The following FGF13 variants were observed in gnomAD, a reference collection of about 807,000 sequenced individuals.
FGF13 encodes the protein fibroblast growth factor homologous factor 2.
FGF13 carries 2 observed loss-of-function variants against 19.5 expected under a neutral mutation model. The observed-to-expected ratio is 0.10, with a 90% confidence interval of 0.04 to 0.32. The LOEUF is 0.32. Among genes scored for constraint, FGF13 ranks in the 10% least tolerant of loss-of-function variants. The pLI is 1.00. For synonymous variants in FGF13, 72 were observed against 76.9 expected (o/e 0.94, Z 0.33); for missense variants, 113 against 192.7 (o/e 0.59, Z 2.45).
intron 3 of FGF13, among the ~76,000 whole-genome samples, chrX:138,790,419 G>A (rs1317688793): frequency 1.8e-5 from 2 of 110,489 alleles, no homozygotes; most frequent in East Asian, 5.8e-4. Context: ...CATGGCACTG[G>A]AGCAAACCTG....
intron 1 of FGF13, among the ~76,000 whole-genome samples, chrX:139,040,339 G>A (rs1197146197): frequency 8.9e-6 from 1 of 111,986 alleles, no homozygotes; most frequent in African/African-American, 3.2e-5. Context: ...TGAATTGAGA[G>A]ACTCACAAAA....
At chrX:139,037,697 C>T (rs1433635157) in intron 1 of FGF13, among the ~76,000 whole-genome samples, 1 of 112,085 alleles carries the variant, frequency 8.9e-6, no homozygotes, top group Non-Finnish European at 1.9e-5. Flanking sequence ...TTTTATAAAA[C>T]CCTTACAATT....
intron 1 of FGF13, among the ~76,000 whole-genome samples, chrX:139,059,583 CA>C (rs1432103399): frequency 9.0e-6 from 1 of 111,531 alleles, no homozygotes; most frequent in East Asian, 2.8e-4. Context: ...TTGTGGGGCC[CA>C]ATACACAAAA....
intron 1 of FGF13, among the ~76,000 whole-genome samples, chrX:139,143,267 T>C (rs1255865561): frequency 8.9e-6 from 1 of 111,763 alleles, no homozygotes; most frequent in African/African-American, 3.3e-5. Context: ...ACTGATTCCA[T>C]ATTACTCATG....
intron 3 of FGF13, among the ~76,000 whole-genome samples, chrX:138,642,815 T>C (rs966064436): frequency 1.8e-5 from 2 of 111,918 alleles, no homozygotes; most frequent in Non-Finnish European, 3.8e-5. Flanking sequence ...ATCCAAGCCA[T>C]AGCACTAAAG....
At chrX:139,139,656 T>TTTATGG (rs1166750655) in intron 1 of FGF13, among the ~76,000 whole-genome samples, 1 of 112,262 alleles carries the variant, frequency 8.9e-6, no homozygotes, top group African/African-American at 3.2e-5. Flanking sequence ...TAGTAAGACC[T>TTTATGG]GTCATCTTTA....
At chrX:138,699,223 T>TA (rs2089924222) in intron 3 of FGF13, among the ~76,000 whole-genome samples, 1 of 111,787 alleles carries the variant, frequency 8.9e-6, no homozygotes, top group South Asian at 3.8e-4. Context: ...TGTCTCCTAT[T>TA]AGAGATTCAG....
At chrX:138,877,783 G>A (rs1602989236) in intron 1 of FGF13, among the ~76,000 whole-genome samples, 1 of 112,180 alleles carries the variant, frequency 8.9e-6, no homozygotes, top group African/African-American at 3.2e-5. Context: ...AATAATATTC[G>A]ATTGTGCATA....
chrX:138,939,149 C>T (rs1470662482), intron 1 of FGF13, among the ~76,000 whole-genome samples: 2 of 111,631 alleles, frequency 1.8e-5, no homozygotes, highest in African/African-American at 6.5e-5. Flanking sequence ...TTGATTTGTC[C>T]CAAGATTTTC....
chrX:139,068,347 C>T, intron 1 of FGF13, among the ~76,000 whole-genome samples: 1 of 102,496 alleles, frequency 9.8e-6, no homozygotes. Flanking sequence ...GGATCTATAT[C>T]TCTGTTTTGG....
chrX:139,176,485 T>C (rs2084186332), intron 1 of FGF13, among the ~76,000 whole-genome samples: 1 of 109,500 alleles, frequency 9.1e-6, no homozygotes, highest in Non-Finnish European at 1.9e-5. Context: ...CTCTTGCTTC[T>C]CTAGTTCTTT....
At chrX:138,944,295 T>A (rs1223469071) in intron 1 of FGF13, among the ~76,000 whole-genome samples, 1 of 111,139 alleles carries the variant, frequency 9.0e-6, no homozygotes, top group African/African-American at 3.3e-5. Context: ...AAGAAGGTCA[T>A]CATGGGAATC....
intron 3 of FGF13, among the ~76,000 whole-genome samples, chrX:138,784,178 G>A (rs1338419229): frequency 1.5e-5 from 1 of 66,785 alleles, no homozygotes; most frequent in East Asian, 6.6e-4. Flanking sequence ...GGTGGGGGGA[G>A]GGGGGAGGGA....
intron 3 of FGF13, among the ~76,000 whole-genome samples, chrX:138,685,117 C>G (rs1482710065): frequency 1.8e-5 from 2 of 111,396 alleles, no homozygotes; most frequent in East Asian, 2.8e-4. Flanking sequence ...TATAATAAAA[C>G]TATCTAGAGC....
At chrX:138,774,041 T>C (rs957792467) in intron 3 of FGF13, among the ~76,000 whole-genome samples, 1 of 111,778 alleles carries the variant, frequency 8.9e-6, no homozygotes, top group African/African-American at 3.3e-5. Flanking sequence ...TGTCCTTTCA[T>C]TGTCCCATGC....
chrX:139,182,886 A>C (rs943581762), intron 1 of FGF13, among the ~76,000 whole-genome samples: 10 of 111,485 alleles, frequency 9.0e-5, no homozygotes, highest in African/African-American at 3.3e-4. Context: ...TACTCCAACA[A>C]GCTTAGTGGG....
intron 1 of FGF13, among the ~76,000 whole-genome samples, chrX:139,201,920 T>C (rs2084418152): frequency 8.9e-6 from 1 of 111,985 alleles, no homozygotes; most frequent in Non-Finnish European, 1.9e-5. Context: ...GGAAGTAAAC[T>C]CCCTTCTTAA....
At chrX:138,805,320 C>T (rs775444746) in intron 3 of FGF13, among the ~76,000 whole-genome samples, 70 of 111,942 alleles carry the variant, frequency 6.3e-4, no homozygotes, top group Admixed American at 1.8e-3. Flanking sequence ...AATACTTTGC[C>T]ATATGTTCAG....
At chrX:138,918,146 G>C (rs908788085) in intron 1 of FGF13, among the ~76,000 whole-genome samples, 19 of 84,767 alleles carry the variant, frequency 2.2e-4, no homozygotes, top group African/African-American at 8.5e-4. Context: ...ACAATTCTCT[G>C]CTTCTTTAAA....
Sources: gnomAD v4.1 joint callset for allele counts (sites outside exome capture counted in the v4.1 genomes callset) on GRCh38, gnomAD v4.1.1 for gene constraint, MANE v1.5 for transcripts, NCBI Gene and HGNC (gene_info 2026-07-23, HGNC 2026-07-21) for gene names.